Variants in MET observed in about 807,000 individuals in gnomAD.
The protein encoded by MET is hepatocyte growth factor receptor.
A neutral mutation model predicts 133.1 loss-of-function variants in MET; 48 were observed. That is an observed-to-expected ratio of 0.36 (90% CI 0.29 to 0.46). MET has a LOEUF of 0.46. MET is among the 20% of genes least tolerant of loss of function. The probability of loss-of-function intolerance (pLI) is 1.00; values close to 1 mark genes in which losing one functional copy is unlikely to be tolerated. For missense variants in MET, 1,442 were observed against 1,695.9 expected, an observed-to-expected ratio of 0.85 and a Z score of 2.63; for synonymous variants, 628 against 616.5, an observed-to-expected ratio of 1.02 and a Z score of -0.28.
At chr7:116,695,614 C>CG in intron 1 of MET, 1 of 272,066 alleles carries the variant, frequency 3.7e-6, no homozygotes. Flanking sequence ...GAAGCTGCTT[C>CG]GGCATAGTGA....
intron 2 of MET, among the ~76,000 whole-genome samples, chr7:116,725,126 T>C (rs1362193937): frequency 6.6e-6 from 1 of 152,174 alleles, no homozygotes; most frequent in Admixed American, 6.5e-5. Flanking sequence ...ATGTAAGGAA[T>C]ATAGGATTCA....
At chr7:116,716,470 AAAG>A (rs1317401028) in intron 2 of MET, among the ~76,000 whole-genome samples, 13 of 20,118 alleles carry the variant, frequency 6.5e-4, no homozygotes, top group African/African-American at 3.3e-3. Context: ...AAAGAAAGAG[AAAG>A]AAAGAAAGAA....
At chr7:116,688,578 A>G (rs1796659513) in intron 1 of MET, among the ~76,000 whole-genome samples, 1 of 152,224 alleles carries the variant, frequency 6.6e-6, no homozygotes, top group South Asian at 2.1e-4. Context: ...TTTTTACATT[A>G]TGTACAATGG....
At chr7:116,683,833 A>G (rs1796447952) in intron 1 of MET, among the ~76,000 whole-genome samples, 2 of 152,146 alleles carry the variant, frequency 1.3e-5, no homozygotes, top group African/African-American at 4.8e-5. Context: ...CTTTGCCTAC[A>G]ATTGTTCTTT....
chr7:116,696,013 C>T (rs1037035129), intron 1 of MET, among the ~76,000 whole-genome samples: 1 of 152,198 alleles, frequency 6.6e-6, no homozygotes, highest in Admixed American at 6.5e-5. Flanking sequence ...GCTAGGATTA[C>T]AGGCACCTGT....
intron 1 of MET, among the ~76,000 whole-genome samples, chr7:116,693,984 T>A (rs1584870237): frequency 6.6e-6 from 1 of 152,346 alleles, no homozygotes; most frequent in South Asian, 2.1e-4. Context: ...AGGCTTAGAC[T>A]TACTTGCCTA....
intron 1 of MET, among the ~76,000 whole-genome samples, chr7:116,680,592 G>C (rs1303568851): frequency 6.6e-6 from 1 of 152,072 alleles, no homozygotes; most frequent in Non-Finnish European, 1.5e-5. Context: ...GTCATAAAGA[G>C]GGTGTCCCAT....
intron 1 of MET, among the ~76,000 whole-genome samples, chr7:116,680,381 G>A (rs1796307711): frequency 6.6e-6 from 1 of 152,114 alleles, no homozygotes; most frequent in South Asian, 2.1e-4. Context: ...AAAAATGAAT[G>A]AATGCCTGAG....
At chr7:116,768,356 G>A (rs1794707855) in intron 11 of MET, among the ~76,000 whole-genome samples, 1 of 152,002 alleles carries the variant, frequency 6.6e-6, no homozygotes. Context: ...TGTGGATAAG[G>A]GTTTTATCCC....
chr7:116,754,615 G>A (rs548502026), intron 5 of MET, among the ~76,000 whole-genome samples: 1 of 151,744 alleles, frequency 6.6e-6, no homozygotes, highest in East Asian at 1.9e-4. Context: ...GAGCCCAGGA[G>A]TTTGAGACCA....
intron 5 of MET, 184 bp downstream of exon 5, chr7:116,741,209 C>A: frequency 1.4e-6 from 1 of 700,242 alleles, no homozygotes; most frequent in Non-Finnish European, 2.3e-6. Context: ...TTGGCTTTAT[C>A]CCTCGGGCAG....
chr7:116,740,941 C>T lies in MET; in HGVS notation c.1617C>T (p.Gly539=), dbSNP rs776490266. Residue 539 remains glycine, a synonymous_variant, in exon 5 of 21, where the codon GGC becomes GGT. Coordinates refer to ENST00000397752, the MANE Select transcript of MET (RefSeq NM_000245.4). ...CTGCCCCACCCTTTGTTCAGTGTGG[C>T]TGGTGCCACGACAAATGTGTGCGAT... is the stretch of plus-strand genomic sequence containing the variant. The part of the protein sequence containing the change: ...CLSAPPFVQC[G]WCHDKCVRSE... 9 of 1,614,180 alleles carry T rather than the reference C, an allele frequency of 5.6e-6. No individual in the cohort carries two copies. The highest frequency in any genetic ancestry group is 1.3e-5 in the African/African-American group (1 of 75,042).
intron 15 of MET, 136 bp downstream of exon 15, chr7:116,775,247 G>C: frequency 1.2e-6 from 1 of 832,346 alleles, no homozygotes. Context: ...CTTGATTTCT[G>C]TTCTATAGAA....
intron 5 of MET, among the ~76,000 whole-genome samples, 153 bp from the exon 6 acceptor site, chr7:116,755,202 T>C (rs1794131740): frequency 6.6e-6 from 1 of 152,224 alleles, no homozygotes; most frequent in Admixed American, 6.5e-5. Context: ...GTGACCCTTT[T>C]CCCTTTAGTG....
chr7:116,745,672 T>A (rs1481027601), intron 5 of MET, among the ~76,000 whole-genome samples: 3 of 152,040 alleles, frequency 2.0e-5, no homozygotes, highest in East Asian at 3.9e-4. Flanking sequence ...AAAAACAAGG[T>A]ATGGGGAAAG....
At chr7:116,690,641 A>G (rs1796750742) in intron 1 of MET, among the ~76,000 whole-genome samples, 1 of 152,242 alleles carries the variant, frequency 6.6e-6, no homozygotes, top group Admixed American at 6.5e-5. Context: ...CTAACTGTTA[A>G]GTCTTTAGGC....
chr7:116,690,974 C>T (rs576392373), intron 1 of MET, among the ~76,000 whole-genome samples: 1 of 152,132 alleles, frequency 6.6e-6, no homozygotes, highest in East Asian at 1.9e-4. Flanking sequence ...TTTTAATAGA[C>T]CTACTTTTAA....
At chr7:116,762,568 C>G (rs1221735312) in intron 10 of MET, among the ~76,000 whole-genome samples, 1 of 152,140 alleles carries the variant, frequency 6.6e-6, no homozygotes, top group African/African-American at 2.4e-5. Flanking sequence ...CATGTGGTAT[C>G]CAACATGGTA....
chr7:116,747,069 C>T (rs1354714508), intron 5 of MET, among the ~76,000 whole-genome samples: 1 of 152,058 alleles, frequency 6.6e-6, no homozygotes, highest in Non-Finnish European at 1.5e-5. Context: ...GAAATAAAAT[C>T]CTTTACAGTC....
Sources: gnomAD v4.1 joint callset for allele counts (sites outside exome capture counted in the v4.1 genomes callset) on GRCh38, gnomAD v4.1.1 for gene constraint, MANE v1.5 for transcripts, NCBI Gene and HGNC (gene_info 2026-07-23, HGNC 2026-07-21) for gene names.